The following DGKB variants were observed in gnomAD, a reference collection of about 807,000 sequenced individuals.
The protein encoded by DGKB is 90 kDa diacylglycerol kinase.
A neutral mutation model predicts 114.3 loss-of-function variants in DGKB; 67 were observed. The observed-to-expected ratio is 0.59, with a 90% CI of 0.48 to 0.72. The LOEUF is 0.72. Ranked by LOEUF, DGKB falls within the 30% of genes least tolerant of loss-of-function variation. The pLI, the probability that DGKB is intolerant of heterozygous loss-of-function variation, is 0.00. For synonymous variants in DGKB, 398 were observed against 323.1 expected (o/e 1.23, Z -2.49); for missense variants, 907 against 975.2 (o/e 0.93, Z 0.93).
chr7:14,679,142 G>A (rs1204856518), intron 12 of DGKB, among the ~76,000 whole-genome samples: 1 of 151,608 alleles, frequency 6.6e-6, no homozygotes, highest in Non-Finnish European at 1.5e-5. Flanking sequence ...CCTTCTACAG[G>A]AGAGAGAGAA....
chr7:14,947,528 A>T (rs1020731521), intron 1 of DGKB, among the ~76,000 whole-genome samples: 1 of 135,948 alleles, frequency 7.4e-6, no homozygotes, highest in Non-Finnish European at 1.6e-5. Context: ...AATTTAATGT[A>T]ATTATATGGT....
rs150559448 is a variant in DGKB, at chr7:14,146,146, T to C, written c.*2985A>G. 6.6e-6 allele frequency: 1 copy of C among 152,306 alleles called. No individual in the cohort carries two copies. Among genetic ancestry groups the C allele is most frequent in the African/African-American group, 2.4e-5 (1 of 41,560 alleles). 9.4% of individuals were successfully genotyped at this position (152,306 alleles called of 1,614,324 possible). On this transcript the variant is annotated 3_prime_UTR_variant, in exon 26 of 26. Transcript: ENST00000402815. ...GATATCTCCTTCCACCACAATAAAT[T>C]GATCAGCATTTTCACATGAAATACA... is the stretch of plus-strand genomic sequence containing the variant.
At chr7:14,490,842 T>G (rs553100362) in intron 20 of DGKB, among the ~76,000 whole-genome samples, 1 of 152,302 alleles carries the variant, frequency 6.6e-6, no homozygotes, top group East Asian at 1.9e-4. Flanking sequence ...TTCACTCAAT[T>G]ATTTTTCTTT....
chr7:14,405,445 G>A (rs575947011), intron 21 of DGKB, among the ~76,000 whole-genome samples: 2 of 152,064 alleles, frequency 1.3e-5, no homozygotes, highest in African/African-American at 2.4e-5. Context: ...GATAATAATA[G>A]CCATTATGAA....
intron 2 of DGKB, among the ~76,000 whole-genome samples, chr7:14,783,751 A>T (rs1352967999): frequency 1.3e-5 from 2 of 152,212 alleles, no homozygotes; most frequent in East Asian, 3.8e-4. Context: ...AATACCAAGG[A>T]TGTTTAGTGC....
upstream of DGKB, among the ~76,000 whole-genome samples, chr7:14,905,598 T>A (rs956510102): frequency 1.3e-5 from 2 of 152,220 alleles, no homozygotes. Flanking sequence ...TGTGAAAATA[T>A]ATAGAAACGA....
intron 21 of DGKB, among the ~76,000 whole-genome samples, chr7:14,384,849 C>T (rs1394543754): frequency 6.6e-6 from 1 of 152,120 alleles, no homozygotes; most frequent in Non-Finnish European, 1.5e-5. Flanking sequence ...GCCAAACGTC[C>T]TACAATGCAC....
chr7:14,275,290 C>G (rs1305396110), intron 23 of DGKB, among the ~76,000 whole-genome samples: 8 of 152,128 alleles, frequency 5.3e-5, no homozygotes. Flanking sequence ...ACTCCTAATA[C>G]AGGCCCTGGT....
chr7:14,397,639 C>T (rs892140355), intron 21 of DGKB, among the ~76,000 whole-genome samples: 1 of 152,086 alleles, frequency 6.6e-6, no homozygotes, highest in Non-Finnish European at 1.5e-5. Context: ...GCATGTTCAC[C>T]ACCAGGGTCC....
intron 20 of DGKB, among the ~76,000 whole-genome samples, chr7:14,505,522 C>A (rs2357960): frequency 0.48 from 73,020 of 151,806 alleles, 17,827 homozygotes; most frequent in East Asian, 0.73. Context: ...ATTACAGACT[C>A]ACTTCTACCT....
At chr7:14,369,260 T>C (rs1230702032) in intron 21 of DGKB, among the ~76,000 whole-genome samples, 2 of 152,212 alleles carry the variant, frequency 1.3e-5, no homozygotes, top group African/African-American at 4.8e-5. Context: ...TCATCCTTTT[T>C]CGTGGCTGCA....
At chr7:14,849,386 C>G (rs1248768292) in intron 1 of DGKB, among the ~76,000 whole-genome samples, 1 of 151,956 alleles carries the variant, frequency 6.6e-6, no homozygotes, top group African/African-American at 2.4e-5. Flanking sequence ...GGTATTTAGG[C>G]CAGGACGGTT....
At chr7:14,247,066 C>CAT (rs761775926) in intron 23 of DGKB, among the ~76,000 whole-genome samples, 4 of 152,084 alleles carry the variant, frequency 2.6e-5, no homozygotes, top group African/African-American at 9.7e-5. Context: ...TAAGATTGCA[C>CAT]ATATAAGTGA....
intron 4 of DGKB, among the ~76,000 whole-genome samples, chr7:14,746,540 C>G (rs1833313701): frequency 6.6e-6 from 1 of 152,134 alleles, no homozygotes; most frequent in Non-Finnish European, 1.5e-5. Flanking sequence ...CTTCCCCACC[C>G]CATGCTGGAG....
intron 1 of DGKB, among the ~76,000 whole-genome samples, chr7:14,938,538 G>T (rs1331883271): frequency 6.6e-6 from 1 of 151,914 alleles, no homozygotes; most frequent in African/African-American, 2.4e-5. Context: ...ACATTTGTCT[G>T]GGACCACATT....
intron 23 of DGKB, among the ~76,000 whole-genome samples, chr7:14,211,554 A>T (rs1459113905): frequency 6.6e-4 from 4 of 6,068 alleles, no homozygotes; most frequent in African/African-American, 1.2e-3. Context: ...GTTTTGTGAT[A>T]TTTACTCTCA....
chr7:14,572,646 T>C (rs972459362), intron 20 of DGKB, among the ~76,000 whole-genome samples: 3 of 152,000 alleles, frequency 2.0e-5, no homozygotes, highest in Non-Finnish European at 2.9e-5. Context: ...TATCTAAAGA[T>C]TGGAAACAAT....
rs78060415 is a variant in DGKB at position 14,445,809 on chromosome 7, T to C, written c.1835+32352A>G. Among the ~76,000 whole-genome samples, 378 of 152,120 alleles carry C rather than the reference T, an allele frequency of 2.5e-3. 1 individual carries two copies. Among genetic ancestry groups the C allele is most frequent in the African/African-American group, 8.5e-3 (354 of 41,544 alleles). On this transcript the variant is annotated intron_variant, in intron 21 of 25. Transcript: ENST00000402815. ...TAAGTTTCATGTTTTTTATAAGCCA[T>C]CAGCATCTTATGAAAATGCTATATC...
At chr7:14,309,396 A>T (rs1805003249) in intron 23 of DGKB, among the ~76,000 whole-genome samples, 1 of 152,158 alleles carries the variant, frequency 6.6e-6, no homozygotes, top group African/African-American at 2.4e-5. Flanking sequence ...CAAAAAGCAA[A>T]AGCCAAAAGT....
Sources: allele counts gnomAD v4.1 joint callset (sites outside exome capture counted in the v4.1 genomes callset), GRCh38; gene constraint gnomAD v4.1.1; transcripts MANE v1.5; gene names NCBI Gene and HGNC (gene_info 2026-07-23, HGNC 2026-07-21).